SCMH1: variants seen among roughly 807,000 people sequenced by gnomAD.
SCMH1 encodes polycomb protein SCMH1.
A neutral mutation model predicts 70.8 loss-of-function variants in SCMH1; 37 were observed. The ratio of observed to expected loss-of-function variants is 0.52; its 90% CI spans 0.40 to 0.69. The LOEUF (loss-of-function observed/expected upper bound fraction) is 0.69, where lower values mean the gene tolerates loss of function less well. Among genes scored for constraint, SCMH1 ranks in the 30% least tolerant of loss-of-function variants. SCMH1 has a pLI of 0.00. For synonymous variants in SCMH1, 292 were observed against 307.4 expected (o/e 0.95, Z 0.52); for missense variants, 607 against 827.3 (o/e 0.73, Z 3.27).
At position 41,160,917 on chromosome 1, in the gene SCMH1, T is replaced by G; in HGVS notation, c.83-19A>C. On this transcript the variant is annotated intron_variant, in intron 3 of 14. Transcript: ENST00000337495. The stretch of plus-strand genomic sequence containing the variant: ...GCAGCTTCTAGTAAAGAAAAAAATG[T>G]TGGAGCATAAGTCATTAAGACAAAC... 6.5e-7 allele frequency: 1 copy of G among 1,549,584 alleles called. No individual in the cohort carries two copies. Among genetic ancestry groups the G allele is most frequent in the African/African-American group, 1.4e-5 (1 of 73,138 alleles).
At chr1:41,031,847 A>G (rs1381620156) in intron 13 of SCMH1, among the ~76,000 whole-genome samples, 1 of 152,208 alleles carries the variant, frequency 6.6e-6, no homozygotes, top group Non-Finnish European at 1.5e-5. Context: ...CATATATATG[A>G]TAGTATATAT....
chr1:41,217,608 T>C (rs568831007), intron 1 of SCMH1, among the ~76,000 whole-genome samples: 2 of 152,330 alleles, frequency 1.3e-5, no homozygotes, highest in Non-Finnish European at 2.9e-5. Flanking sequence ...GTTAGATGGA[T>C]TGGACCTGCA....
intron 1 of SCMH1, among the ~76,000 whole-genome samples, chr1:41,208,098 A>G (rs1366975739): frequency 8.8e-6 from 1 of 113,920 alleles, no homozygotes; most frequent in Non-Finnish European, 1.8e-5. Context: ...ATGCAGCCAT[A>G]AAAAATGATG....
chr1:41,083,712 C>G (rs1660732332), intron 8 of SCMH1, among the ~76,000 whole-genome samples: 1 of 152,180 alleles, frequency 6.6e-6, no homozygotes, highest in African/African-American at 2.4e-5. Flanking sequence ...ATCACGCTAC[C>G]TGACTTCAAA....
intron 1 of SCMH1, among the ~76,000 whole-genome samples, chr1:41,211,426 C>T (rs1210984184): frequency 1.3e-5 from 2 of 152,222 alleles, no homozygotes; most frequent in Non-Finnish European, 2.9e-5. Context: ...AAATGCTCAT[C>T]ATCACTGGTC....
Position 41,028,327 on chromosome 1 carries a change from G to A in SCMH1, c.1822-8C>T. On this transcript the variant is annotated splice_polypyrimidine_tract_variant and splice_region_variant and intron_variant, in intron 14 of 14. Coordinates refer to ENST00000337495, the Ensembl canonical transcript of SCMH1. ...GGCCTTGCCATCGATCTCCTGGGGG[G>A]TGGGGAGGTGGGCAGAAGTGGAAGG... 1 of 1,613,432 alleles carries A rather than the reference G, an allele frequency of 6.2e-7. No homozygotes were observed. Among genetic ancestry groups the A allele is most frequent in the Non-Finnish European group, 8.5e-7 (1 of 1,179,528 alleles).
At chr1:41,028,665 TGAG>T (rs1644073987) in exon 14 of SCMH1, 3 of 1,613,930 alleles carry the variant, frequency 1.9e-6, no homozygotes, top group Non-Finnish European at 2.5e-6. Context: ...CGACTGTCCA[TGAG>T]GAGGGGTCCC....
At chr1:41,241,075 T>G (rs1191211021) in intron 1 of SCMH1, among the ~76,000 whole-genome samples, 1 of 152,194 alleles carries the variant, frequency 6.6e-6, no homozygotes, top group Non-Finnish European at 1.5e-5. Flanking sequence ...AGCTGTTTCT[T>G]TCAACTTATA....
intron 1 of SCMH1, among the ~76,000 whole-genome samples, chr1:41,187,408 G>A (rs1650513236): frequency 6.7e-6 from 1 of 150,154 alleles, no homozygotes. Flanking sequence ...GTTGCAGTGA[G>A]CTGAGATCAT....
chr1:41,174,476 C>T (rs1040782139), intron 2 of SCMH1, among the ~76,000 whole-genome samples: 2 of 152,054 alleles, frequency 1.3e-5, no homozygotes, highest in Non-Finnish European at 2.9e-5. Context: ...TATTACTCCA[C>T]GTTGTGATTA....
chr1:41,056,299 T>TTGAG (rs1268063815), intron 10 of SCMH1, among the ~76,000 whole-genome samples: 1 of 152,218 alleles, frequency 6.6e-6, no homozygotes, highest in Non-Finnish European at 1.5e-5. Context: ...TAAGCCCCAA[T>TTGAG]TGAGGTACCC....
At chr1:41,095,291 C>G (rs1489047033) in intron 8 of SCMH1, among the ~76,000 whole-genome samples, 1 of 152,170 alleles carries the variant, frequency 6.6e-6, no homozygotes, top group Non-Finnish European at 1.5e-5. Context: ...ATTTCCCTAG[C>G]AGACTACAAA....
intron 8 of SCMH1, among the ~76,000 whole-genome samples, chr1:41,111,636 C>T (rs1669267118): frequency 6.6e-6 from 1 of 152,182 alleles, no homozygotes; most frequent in Non-Finnish European, 1.5e-5. Flanking sequence ...CCACTGCACC[C>T]AGCCCCTTGT....
At chr1:41,230,531 G>A (rs532172000) in intron 1 of SCMH1, among the ~76,000 whole-genome samples, 18 of 151,832 alleles carry the variant, frequency 1.2e-4, no homozygotes, top group African/African-American at 3.6e-4. Context: ...CATAGCACAC[G>A]CCTGAGGTCT....
At chr1:41,120,204 G>A (rs1671580041) in intron 6 of SCMH1, among the ~76,000 whole-genome samples, 1 of 152,154 alleles carries the variant, frequency 6.6e-6, no homozygotes, top group Non-Finnish European at 1.5e-5. Flanking sequence ...TTTTGAGGTA[G>A]GGGTTACTGG....
intron 2 of SCMH1, among the ~76,000 whole-genome samples, chr1:41,166,225 G>A (rs900577768): frequency 3.9e-5 from 6 of 152,102 alleles, no homozygotes; most frequent in Admixed American, 1.3e-4. Context: ...CCAGCATCAT[G>A]CTTTTTTGAT....
At chr1:41,111,042 T>C (rs1669124381) in intron 8 of SCMH1, among the ~76,000 whole-genome samples, 2 of 152,264 alleles carry the variant, frequency 1.3e-5, no homozygotes, top group African/African-American at 2.4e-5. Context: ...ATGAATGATA[T>C]TGAGCATCTT....
intron 6 of SCMH1, among the ~76,000 whole-genome samples, chr1:41,138,328 T>G (rs1407508467): frequency 2.6e-5 from 4 of 152,212 alleles, no homozygotes; most frequent in Non-Finnish European, 5.9e-5. Context: ...TCTGCTTTAA[T>G]TTTTGGAAAG....
chr1:41,151,505 G>C (rs541827474), intron 5 of SCMH1, 109 bp downstream of exon 5: 2 of 718,420 alleles, frequency 2.8e-6, no homozygotes, highest in South Asian at 2.2e-5. Context: ...GTTTATTCTG[G>C]GGCCCTCAGG....
Sources: gnomAD v4.1 joint callset for allele counts (sites outside exome capture counted in the v4.1 genomes callset) on GRCh38, gnomAD v4.1.1 for gene constraint, MANE v1.5 for transcripts, NCBI Gene and HGNC (gene_info 2026-07-23, HGNC 2026-07-21) for gene names.